The following ANO1 variants were observed in gnomAD, a reference collection of about 807,000 sequenced individuals.
The protein encoded by ANO1 is anoctamin 1, also known as anoctamin-1.
In ANO1, 59 loss-of-function variants were observed where a neutral mutation model predicts 124.0. The observed-to-expected ratio is 0.48, with a 90% CI of 0.39 to 0.59. ANO1 has a LOEUF of 0.59. Among genes scored for constraint, ANO1 ranks in the 20% least tolerant of loss-of-function variants. ANO1 has a pLI of 0.00. For missense variants in ANO1, 1,059 were observed against 1,328.0 expected (o/e 0.80, Z 3.15); for synonymous variants, 529 against 532.0 (o/e 0.99, Z 0.08).
intron 5 of ANO1, among the ~76,000 whole-genome samples, chr11:70,107,467 G>A (rs1414219633): frequency 2.8e-5 from 4 of 143,376 alleles, no homozygotes; most frequent in African/African-American, 7.6e-5. Flanking sequence ...CGGGGTTGTT[G>A]GGACAGGTGG....
intron 5 of ANO1, among the ~76,000 whole-genome samples, chr11:70,106,360 T>C (rs1326258909): frequency 1.3e-5 from 2 of 152,184 alleles, no homozygotes; most frequent in Non-Finnish European, 2.9e-5. Context: ...CCAACTTCTA[T>C]CTAAACAAGA....
chr11:70,164,476 A>G (rs1461908173), intron 19 of ANO1, among the ~76,000 whole-genome samples: 1 of 152,162 alleles, frequency 6.6e-6, no homozygotes, highest in East Asian at 1.9e-4. Context: ...ATCCCCTGTC[A>G]CACTCGTCCC....
intron 25 of ANO1, 26 bp downstream of exon 25, chr11:70,185,721 G>A (rs780357331): frequency 1.8e-5 from 29 of 1,610,020 alleles, no homozygotes; most frequent in East Asian, 8.9e-5. Context: ...CTTTGTTTCC[G>A]GTTTGAAGAT....
chr11:70,146,373 C>T (rs1287262555), intron 11 of ANO1, among the ~76,000 whole-genome samples: 4 of 152,120 alleles, frequency 2.6e-5, no homozygotes, highest in African/African-American at 7.2e-5. Context: ...TGCACGGATA[C>T]CTCCTCGTGA....
At position 70,188,080 on chromosome 11, in the gene ANO1, C is replaced by A; in HGVS notation, c.*76C>A. On this transcript the variant is annotated 3_prime_UTR_variant, in exon 26 of 26. Transcript: ENST00000355303. ...CCCTCTCCCAGGGCAGGCGGCTTCC[C>A]GCTCCCACCAGGGCCCGGTGGGTCC... 6.7e-7 allele frequency: 1 copy of A among 1,486,710 alleles called. No homozygotes were observed. Among genetic ancestry groups the A allele is most frequent in the Admixed American group, 2.2e-5 (1 of 46,006 alleles). 92.1% of individuals were successfully genotyped at this position (1,486,710 alleles called of 1,614,324 possible). A position where few individuals can be genotyped will look rare whatever the true frequency, so the allele number is the denominator to read the frequency against.
intron 19 of ANO1, among the ~76,000 whole-genome samples, chr11:70,165,162 C>T (rs1459976945): frequency 6.6e-6 from 1 of 152,142 alleles, no homozygotes; most frequent in Non-Finnish European, 1.5e-5. Context: ...GCCTCTCCAC[C>T]CTCTGCCGCC....
chr11:70,001,958 C>T (rs1565157738), intron 1 of ANO1, among the ~76,000 whole-genome samples: 1 of 151,972 alleles, frequency 6.6e-6, no homozygotes, highest in African/African-American at 2.4e-5. Flanking sequence ...CACCACCACA[C>T]CATTTTGGAA....
At chr11:70,103,021 G>A in intron 2 of ANO1, 45 bp from the exon 3 acceptor site, 3 of 1,355,324 alleles carry the variant, frequency 2.2e-6, no homozygotes, top group Admixed American at 2.2e-5. Flanking sequence ...TTTCCACAGA[G>A]ATGCACCGCC....
intron 1 of ANO1, among the ~76,000 whole-genome samples, chr11:70,043,841 G>C (rs1555005298): frequency 6.6e-6 from 1 of 152,042 alleles, no homozygotes; most frequent in African/African-American, 2.4e-5. Flanking sequence ...CAGGCAAAAG[G>C]AAAATGATAA....
intron 1 of ANO1, among the ~76,000 whole-genome samples, chr11:70,065,594 C>T (rs1857696919): frequency 6.6e-6 from 1 of 151,524 alleles, no homozygotes; most frequent in African/African-American, 2.4e-5. Context: ...CTCTAGTTGG[C>T]CTGGCCCTCC....
chr11:70,164,975 G>A (rs1392783698), intron 19 of ANO1, among the ~76,000 whole-genome samples: 1 of 152,116 alleles, frequency 6.6e-6, no homozygotes, highest in Non-Finnish European at 1.5e-5. Context: ...TGGGGCTGCC[G>A]CAACTCGATC....
chr11:70,041,347 C>T (rs569480019), intron 1 of ANO1, among the ~76,000 whole-genome samples: 1 of 152,200 alleles, frequency 6.6e-6, no homozygotes, highest in Admixed American at 6.5e-5. Flanking sequence ...TCTTTTTATT[C>T]GATATTTCAC....
chr11:70,019,302 C>T (rs568437665), intron 1 of ANO1, among the ~76,000 whole-genome samples: 3 of 147,578 alleles, frequency 2.0e-5, no homozygotes, highest in Non-Finnish European at 4.4e-5. Context: ...CCACGCTACA[C>T]ACATGCCATG....
chr11:70,128,323 C>A (rs569100961), intron 10 of ANO1, among the ~76,000 whole-genome samples: 23 of 152,194 alleles, frequency 1.5e-4, no homozygotes, highest in Non-Finnish European at 2.6e-4. Flanking sequence ...GTAGTCCAGA[C>A]TTGGTGGGGA....
intron 1 of ANO1, among the ~76,000 whole-genome samples, chr11:69,988,339 C>T (rs1382410000): frequency 6.6e-6 from 1 of 152,214 alleles, no homozygotes; most frequent in African/African-American, 2.4e-5. Flanking sequence ...AGGTCTCAAT[C>T]CCAGCTTTGC....
intron 25 of ANO1, among the ~76,000 whole-genome samples, chr11:70,186,677 T>C (rs2049140768): frequency 6.6e-6 from 1 of 152,146 alleles, no homozygotes. Context: ...TATCCTGGGC[T>C]GTGGGCACCG....
intron 14 of ANO1, among the ~76,000 whole-genome samples, chr11:70,154,043 G>A (rs1287143922): frequency 1.3e-5 from 2 of 152,156 alleles, no homozygotes; most frequent in Non-Finnish European, 2.9e-5. Flanking sequence ...TGGGATTACA[G>A]ATGTGAGCCA....
At chr11:70,095,288 G>GAAAGA (rs1397687986) in intron 2 of ANO1, among the ~76,000 whole-genome samples, 1 of 98,708 alleles carries the variant, frequency 1.0e-5, no homozygotes, top group Non-Finnish European at 2.2e-5. Context: ...AGGAAGGAAG[G>GAAAGA]AAGGAAGGAA....
At position 70,109,849 on chromosome 11, in the gene ANO1, C is replaced by T. The variant is rs201339121; in HGVS notation, c.799+1445C>T. Reference sequence around the variant, plus strand: ...CTCTGTGTTCCCACCGGTTTTGTGGCGGGGCTGGTTCCCTGCACCTGGTGA... The same window carrying T: ...CTCTGTGTTCCCACCGGTTTTGTGGTGGGGCTGGTTCCCTGCACCTGGTGA... On this transcript the variant is annotated intron_variant, in intron 6 of 25. Coordinates refer to ENST00000355303, the MANE Select transcript of ANO1 (RefSeq NM_018043.7). Among the ~76,000 whole-genome samples the T allele has an allele frequency of 5.9e-5, 9 of 152,252 alleles. No individual in the cohort carries two copies. The South Asian group carries it at 1.2e-3, about 21-fold the overall frequency.
Sources: allele counts gnomAD v4.1 joint callset (sites outside exome capture counted in the v4.1 genomes callset), GRCh38; gene constraint gnomAD v4.1.1; transcripts MANE v1.5; gene names NCBI Gene and HGNC (gene_info 2026-07-23, HGNC 2026-07-21).